Variants in ADK observed in about 807,000 individuals in gnomAD.
ADK encodes N6,N6-dimethyladenosine kinase.
A neutral mutation model predicts 44.7 loss-of-function variants in ADK; 24 were observed. That is an observed-to-expected ratio of 0.54 (90% CI 0.39 to 0.76). The LOEUF (loss-of-function observed/expected upper bound fraction) is 0.76. ADK is among the 30% of genes least tolerant of loss of function. ADK has a pLI of 0.00. For synonymous variants in ADK, 128 were observed against 142.6 expected (o/e 0.90, Z 0.73); for missense variants, 321 against 425.1 (o/e 0.76, Z 2.15).
At chr10:74,395,003 T>C (rs1235305418) in intron 5 of ADK, among the ~76,000 whole-genome samples, 1 of 152,214 alleles carries the variant, frequency 6.6e-6, no homozygotes, top group African/African-American at 2.4e-5. Context: ...CTTCAGTGTA[T>C]TCATGCACTG....
At chr10:74,153,949 A>G (rs1353023258) in intron 1 of ADK, among the ~76,000 whole-genome samples, 2 of 152,106 alleles carry the variant, frequency 1.3e-5, no homozygotes, top group Non-Finnish European at 2.9e-5. Flanking sequence ...CTGGATATAT[A>G]TAGAGAGAGA....
At chr10:74,155,827 C>T (rs757749870) in intron 1 of ADK, among the ~76,000 whole-genome samples, 11 of 152,148 alleles carry the variant, frequency 7.2e-5, no homozygotes, top group Non-Finnish European at 1.2e-4. Context: ...CCACCGTGCC[C>T]GGCGACCCTA....
At chr10:74,429,869 A>G (rs1592201845) in intron 6 of ADK, among the ~76,000 whole-genome samples, 1 of 152,234 alleles carries the variant, frequency 6.6e-6, no homozygotes, top group Non-Finnish European at 1.5e-5. Context: ...TCGGGAGCAT[A>G]TGTTAAAATA....
chr10:74,581,161 A>G (rs1211109909), intron 7 of ADK, among the ~76,000 whole-genome samples: 1 of 152,204 alleles, frequency 6.6e-6, no homozygotes, highest in African/African-American at 2.4e-5. Flanking sequence ...GGATTCGTTG[A>G]CAAAGATGTT....
At chr10:74,291,145 C>T (rs948209824) in intron 3 of ADK, among the ~76,000 whole-genome samples, 11 of 152,012 alleles carry the variant, frequency 7.2e-5, no homozygotes, top group Non-Finnish European at 1.3e-4. Flanking sequence ...AGGCTGGGTG[C>T]GGTGGCTCAC....
chr10:74,245,753 G>A (rs565726766), intron 3 of ADK, among the ~76,000 whole-genome samples: 1 of 152,016 alleles, frequency 6.6e-6, no homozygotes, highest in East Asian at 1.9e-4. Flanking sequence ...ATCACGCCTG[G>A]CTAATTTTTG....
chr10:74,544,234 G>A (rs991343698), intron 7 of ADK, among the ~76,000 whole-genome samples: 4 of 152,132 alleles, frequency 2.6e-5, no homozygotes, highest in Admixed American at 2.0e-4. Flanking sequence ...CACTTGATTG[G>A]TGATCACTTT....
chr10:74,591,474 G>A (rs188745448), intron 8 of ADK, among the ~76,000 whole-genome samples: 1 of 152,096 alleles, frequency 6.6e-6, no homozygotes, highest in Admixed American at 6.5e-5. Flanking sequence ...CATGAGTAGG[G>A]TACCCTCAAA....
At chr10:74,232,705 A>G (rs1844818687) in intron 3 of ADK, among the ~76,000 whole-genome samples, 4 of 152,138 alleles carry the variant, frequency 2.6e-5, no homozygotes, top group Admixed American at 2.6e-4. Flanking sequence ...AGCTCACTGC[A>G]AGCTCCACCT....
At chr10:74,564,297 T>TA (rs1028188041) in intron 7 of ADK, among the ~76,000 whole-genome samples, 6 of 152,080 alleles carry the variant, frequency 3.9e-5, no homozygotes, top group African/African-American at 1.4e-4. Flanking sequence ...GAAGGCGGCT[T>TA]AAAAAAAGAA....
At chr10:74,406,520 TAATAATAAGAAGAAG>T (rs1249070735) in intron 6 of ADK, among the ~76,000 whole-genome samples, 272 of 57,642 alleles carry the variant, frequency 4.7e-3, no homozygotes, top group Middle Eastern at 0.038. Context: ...ATAATAATAA[TAATAATAAGAAGAAG>T]AAGAAGAAGA....
chr10:74,383,298 C>A (rs1428620470), intron 4 of ADK, among the ~76,000 whole-genome samples: 1 of 152,032 alleles, frequency 6.6e-6, no homozygotes, highest in African/African-American at 2.4e-5. Flanking sequence ...CTTTAGAATA[C>A]AGATTTGAGT....
intron 5 of ADK, among the ~76,000 whole-genome samples, chr10:74,397,605 A>T (rs976289825): frequency 9.2e-5 from 14 of 152,072 alleles, no homozygotes; most frequent in African/African-American, 2.9e-4. Context: ...TGGCATGATC[A>T]TAGCTCATTG....
At chr10:74,193,848 T>A (rs1454549856) in intron 1 of ADK, among the ~76,000 whole-genome samples, 2 of 152,002 alleles carry the variant, frequency 1.3e-5, no homozygotes, top group African/African-American at 2.4e-5. Flanking sequence ...ATGCTAGCCA[T>A]TGGGAATACA....
intron 6 of ADK, among the ~76,000 whole-genome samples, chr10:74,477,208 A>T (rs1269990547): frequency 6.6e-6 from 1 of 152,032 alleles, no homozygotes; most frequent in African/African-American, 2.4e-5. Context: ...TTTTTTATTT[A>T]AAAAAAGGTC....
chr10:74,547,430 TTATATA>T (rs10596248), intron 7 of ADK, among the ~76,000 whole-genome samples: 1 of 137,482 alleles, frequency 7.3e-6, no homozygotes, highest in East Asian at 2.0e-4. Flanking sequence ...TTTTCCCACT[TTATATA>T]TATATATATA....
In ADK at chr10:74,436,478, CAA is replaced by C. The variant is rs34848555; in HGVS notation, c.555+37912_555+37913del. The stretch of plus-strand genomic sequence containing the variant: ...CCTCTTAGTCTTCATTTACTGTCTC[CAA>C]AAAAAAAAAAAAGTTTCCATGACTC... On this transcript the variant is annotated intron_variant, in intron 6 of 10. Coordinates refer to ENST00000539909, the MANE Select transcript of ADK (RefSeq NM_006721.4). Among the ~76,000 whole-genome samples, 163 of 140,440 alleles carry C rather than the reference CAA, an allele frequency of 1.2e-3. 1 individual carries two copies. The highest frequency in any genetic ancestry group is 1.6e-3 in the Non-Finnish European group (101 of 64,966). 92.1% of individuals were successfully genotyped at this position (140,440 alleles called of 152,430 possible). A position where few individuals can be genotyped will look rare whatever the true frequency, so the allele number is the denominator to read the frequency against.
At chr10:74,653,180 G>A (rs547887003) in intron 9 of ADK, among the ~76,000 whole-genome samples, 9 of 152,194 alleles carry the variant, frequency 5.9e-5, no homozygotes, top group Non-Finnish European at 7.4e-5. Flanking sequence ...GGCTGAGTGC[G>A]GTGGCTCAGG....
chr10:74,224,220 G>T (rs550478869), intron 2 of ADK, among the ~76,000 whole-genome samples: 1 of 152,304 alleles, frequency 6.6e-6, no homozygotes, highest in Non-Finnish European at 1.5e-5. Context: ...TATTTGTGAA[G>T]TCCAAAATAC....
Sources: allele counts gnomAD v4.1 joint callset (sites outside exome capture counted in the v4.1 genomes callset), GRCh38; gene constraint gnomAD v4.1.1; transcripts MANE v1.5; gene names NCBI Gene and HGNC (gene_info 2026-07-23, HGNC 2026-07-21).